The following TSHZ2 variants were observed in gnomAD, a reference collection of about 807,000 sequenced individuals.
TSHZ2 encodes teashirt zinc finger homeobox 2, also known as teashirt homolog 2.
TSHZ2 carries 21 observed loss-of-function variants against 74.4 expected under a neutral mutation model. The observed-to-expected ratio is 0.28, with a 90% confidence interval of 0.20 to 0.41. The LOEUF (loss-of-function observed/expected upper bound fraction) is 0.41. Ranked by LOEUF, TSHZ2 falls within the 10% of genes least tolerant of loss-of-function variation. The pLI, the probability that TSHZ2 is intolerant of heterozygous loss-of-function variation, is 1.00. For synonymous variants in TSHZ2, 540 were observed against 515.3 expected (o/e 1.05, Z -0.65); for missense variants, 1,244 against 1,293.5 (o/e 0.96, Z 0.59).
intron 2 of TSHZ2, among the ~76,000 whole-genome samples, chr20:53,371,024 G>A (rs1186484953): frequency 1.3e-5 from 2 of 152,122 alleles, no homozygotes; most frequent in South Asian, 2.1e-4. Context: ...CTTGGGTTGC[G>A]GCCGCATCGC....
intron 2 of TSHZ2, among the ~76,000 whole-genome samples, chr20:53,339,811 A>T (rs980603868): frequency 1.3e-5 from 2 of 152,076 alleles, no homozygotes; most frequent in South Asian, 2.1e-4. Flanking sequence ...GGAGGAAGGG[A>T]TGCAGGTTAT....
At chr20:53,050,488 A>G (rs904283435) in intron 1 of TSHZ2, among the ~76,000 whole-genome samples, 5 of 152,112 alleles carry the variant, frequency 3.3e-5, no homozygotes, top group Non-Finnish European at 7.3e-5. Context: ...CTCAATAACG[A>G]CTCAGCTCCT....
intron 2 of TSHZ2, among the ~76,000 whole-genome samples, chr20:53,416,520 A>G (rs1983260005): frequency 6.6e-6 from 1 of 152,192 alleles, no homozygotes; most frequent in African/African-American, 2.4e-5. Context: ...CCAGTGGGCT[A>G]AATCCTACCC....
chr20:53,376,534 C>T (rs370121397), intron 2 of TSHZ2, among the ~76,000 whole-genome samples: 1 of 152,196 alleles, frequency 6.6e-6, no homozygotes, highest in Non-Finnish European at 1.5e-5. Flanking sequence ...GTATCTCTCA[C>T]AGCCTAGGAG....
intron 1 of TSHZ2, among the ~76,000 whole-genome samples, chr20:53,031,472 A>G (rs1341439966): frequency 6.6e-6 from 1 of 152,228 alleles, no homozygotes; most frequent in African/African-American, 2.4e-5. Flanking sequence ...GAAGAATTTC[A>G]GATTTGTAGT....
At chr20:53,219,337 AC>A (rs1989504854) in intron 1 of TSHZ2, among the ~76,000 whole-genome samples, 1 of 152,214 alleles carries the variant, frequency 6.6e-6, no homozygotes, top group Non-Finnish European at 1.5e-5. Flanking sequence ...ACATCTCCAA[AC>A]AAAAAGCAAG....
intron 2 of TSHZ2, among the ~76,000 whole-genome samples, chr20:53,444,445 AGAGT>A (rs1388260114): frequency 2.6e-5 from 4 of 152,126 alleles, no homozygotes; most frequent in Non-Finnish European, 5.9e-5. Flanking sequence ...AGAAAAGGAG[AGAGT>A]GAGTCCTCCA....
intron 1 of TSHZ2, among the ~76,000 whole-genome samples, chr20:53,010,410 A>G: frequency 6.6e-6 from 1 of 152,214 alleles, no homozygotes; most frequent in South Asian, 2.1e-4. Flanking sequence ...AACAACAGCA[A>G]TAACAAAAAA....
At chr20:53,087,112 A>G (rs1394001859) in intron 1 of TSHZ2, among the ~76,000 whole-genome samples, 1 of 152,214 alleles carries the variant, frequency 6.6e-6, no homozygotes, top group Non-Finnish European at 1.5e-5. Flanking sequence ...TCATAATACC[A>G]GATTCTCACA....
rs550748070 is a variant in TSHZ2, at chr20:53,287,991, AAATTCCACTAT to A, written c.*8+31428_*8+31438del. 2.3e-3 allele frequency among the ~76,000 whole-genome samples: 352 copies of A among 152,302 alleles called. 1 individual carries two copies. The highest frequency in any genetic ancestry group is 4.0e-3 in the Non-Finnish European group (271 of 68,030). On this transcript the variant is annotated intron_variant, in intron 2 of 2. Coordinates refer to ENST00000371497, the MANE Select transcript of TSHZ2 (RefSeq NM_173485.6). ...AGCTAATTTCTATGTGGTCCTCATA[AAATTCCACTAT>A]AATTCCATTATCGGGAGGCTGGCCA...
chr20:53,391,280 G>A (rs1441277354), intron 2 of TSHZ2, among the ~76,000 whole-genome samples: 2 of 152,036 alleles, frequency 1.3e-5, no homozygotes, highest in African/African-American at 4.8e-5. Context: ...CCGAGTAGCT[G>A]GGACTACAGG....
intron 2 of TSHZ2, among the ~76,000 whole-genome samples, chr20:53,418,163 A>C (rs1044133707): frequency 3.9e-5 from 6 of 152,174 alleles, no homozygotes; most frequent in African/African-American, 1.4e-4. Flanking sequence ...GCCTGCTGAG[A>C]GAGTAAAGGG....
In TSHZ2 at chr20:52,973,054, A is replaced by T; in HGVS notation, c.-240A>T. ...TAAACAAACAAACAAACAAGGCAGA[A>T]CCAACCTCTACTTCAAAGCAGCCGG... On this transcript the variant is annotated 5_prime_UTR_variant, in exon 1 of 3. Transcript: ENST00000371497. The T allele has an allele frequency of 2.1e-6, 1 of 481,920 alleles. No individual in the cohort carries two copies. 29.9% of individuals were successfully genotyped at this position (481,920 alleles called of 1,614,324 possible). A position where few individuals can be genotyped will look rare whatever the true frequency, so the allele number is the denominator to read the frequency against.
At chr20:53,441,581 C>T (rs1385809705) in intron 2 of TSHZ2, among the ~76,000 whole-genome samples, 1 of 150,566 alleles carries the variant, frequency 6.6e-6, no homozygotes, top group East Asian at 2.0e-4. Flanking sequence ...CCACCACGCC[C>T]AGCCTCGTAT....
At chr20:52,977,385 G>T (rs1981382084) in intron 1 of TSHZ2, among the ~76,000 whole-genome samples, 1 of 150,038 alleles carries the variant, frequency 6.7e-6, no homozygotes, top group South Asian at 2.1e-4. Flanking sequence ...TCCTTCACTT[G>T]CCCAAAAGTA....
chr20:53,183,518 T>C (rs1318896294), intron 1 of TSHZ2, among the ~76,000 whole-genome samples: 1 of 152,166 alleles, frequency 6.6e-6, no homozygotes, highest in Non-Finnish European at 1.5e-5. Flanking sequence ...TTCTTTTAAT[T>C]GTAGGGGGAT....
chr20:53,133,643 T>C (rs1259071566), intron 1 of TSHZ2, among the ~76,000 whole-genome samples: 1 of 152,204 alleles, frequency 6.6e-6, no homozygotes. Context: ...TCTATGTATA[T>C]TCAGTGTTCC....
At chr20:53,190,749 C>T (rs915791302) in intron 1 of TSHZ2, among the ~76,000 whole-genome samples, 1 of 152,088 alleles carries the variant, frequency 6.6e-6, no homozygotes, top group African/African-American at 2.4e-5. Flanking sequence ...AGCTGAACAC[C>T]GGATTTCAAA....
At chr20:53,309,114 T>C (rs1200173449) in intron 2 of TSHZ2, among the ~76,000 whole-genome samples, 1 of 152,162 alleles carries the variant, frequency 6.6e-6, no homozygotes, top group African/African-American at 2.4e-5. Context: ...TAGAGCAAGA[T>C]ACAAATCACT....
Sources: allele counts gnomAD v4.1 joint callset (sites outside exome capture counted in the v4.1 genomes callset), GRCh38; gene constraint gnomAD v4.1.1; transcripts MANE v1.5; gene names NCBI Gene and HGNC (gene_info 2026-07-23, HGNC 2026-07-21).